The following EMCN variants were observed in gnomAD, a reference collection of about 807,000 sequenced individuals.
The protein encoded by EMCN is MUC-14.
A neutral mutation model predicts 38.4 loss-of-function variants in EMCN; 37 were observed. That is an observed-to-expected ratio of 0.96 (90% CI 0.74 to 1.27). EMCN has a LOEUF of 1.27. EMCN is among the 50% of genes most tolerant of loss of function. The pLI is 0.00. For synonymous variants in EMCN, 95 were observed against 100.8 expected (o/e 0.94, Z 0.35); for missense variants, 318 against 302.8 (o/e 1.05, Z -0.37).
intron 11 of EMCN, among the ~76,000 whole-genome samples, chr4:100,409,113 G>C (rs1258772399): frequency 6.6e-6 from 1 of 152,180 alleles, no homozygotes; most frequent in Non-Finnish European, 1.5e-5. Flanking sequence ...AACAGTGTTA[G>C]TTAATTAGGG....
intron 4 of EMCN, among the ~76,000 whole-genome samples, chr4:100,459,286 T>C (rs1728108953): frequency 1.1e-5 from 1 of 89,750 alleles, no homozygotes; most frequent in Non-Finnish European, 2.3e-5. Context: ...TATGACAATA[T>C]TTTGTGTGTG....
At chr4:100,437,090 T>A (rs910999956) in intron 5 of EMCN, among the ~76,000 whole-genome samples, 1 of 152,200 alleles carries the variant, frequency 6.6e-6, no homozygotes, top group Non-Finnish European at 1.5e-5. Flanking sequence ...CCAAAATGTG[T>A]TATCTTTTGA....
At chr4:100,417,436 A>G (rs1368035599) in intron 8 of EMCN, among the ~76,000 whole-genome samples, 1 of 152,146 alleles carries the variant, frequency 6.6e-6, no homozygotes, top group Non-Finnish European at 1.5e-5. Context: ...TCATTATTGC[A>G]TATCCCATGG....
intron 11 of EMCN, among the ~76,000 whole-genome samples, chr4:100,403,178 A>G (rs1052340970): frequency 2.0e-5 from 3 of 152,112 alleles, no homozygotes; most frequent in African/African-American, 7.2e-5. Context: ...TTTATCATCC[A>G]TGTAATTGGC....
rs566684482 is a variant in EMCN at position 100,487,619 on chromosome 4, T to G, written c.65-7580A>C. ...GAGATAGCTGAATCATGGGGACAGT[T>G]TTCCCCATGCTGTTTTCATGACAGT... On this transcript the variant is annotated intron_variant, in intron 1 of 11. Transcript: ENST00000296420. Among the ~76,000 whole-genome samples the G allele has an allele frequency of 1.3e-4, 20 of 152,324 alleles. No homozygotes were observed. In the South Asian group the frequency reaches 4.1e-3, roughly 32 times the overall value.
intron 1 of EMCN, among the ~76,000 whole-genome samples, chr4:100,490,798 C>G (rs930105493): frequency 6.6e-6 from 1 of 152,094 alleles, no homozygotes; most frequent in Non-Finnish European, 1.5e-5. Flanking sequence ...ACTAGGGTTC[C>G]GTTTTCTCTA....
chr4:100,461,614 C>T (rs1049043138), intron 4 of EMCN, among the ~76,000 whole-genome samples: 1 of 151,964 alleles, frequency 6.6e-6, no homozygotes, highest in Non-Finnish European at 1.5e-5. Flanking sequence ...AAATTGTTTC[C>T]TTTTAAATAG....
chr4:100,511,836 T>TA (rs3841994), intron 1 of EMCN, among the ~76,000 whole-genome samples: 62,853 of 146,852 alleles, frequency 0.43, 13,980 homozygotes, highest in East Asian at 0.71. Flanking sequence ...AGACAGTTTA[T>TA]AAAAAAAAAA....
In EMCN at chr4:100,475,034, T is replaced by C. The variant is rs1486198814; in HGVS notation, c.259+4A>G. 1 of 1,457,318 alleles carries C rather than the reference T, an allele frequency of 6.9e-7. No individual in the cohort carries two copies. Among genetic ancestry groups the C allele is most frequent in the South Asian group, 1.4e-5 (1 of 71,828 alleles). 90.3% of individuals were successfully genotyped at this position (1,457,318 alleles called of 1,614,324 possible). A position where few individuals can be genotyped will look rare whatever the true frequency, so the allele number is the denominator to read the frequency against. The stretch of plus-strand genomic sequence containing the variant: ...AAATTGTAGAAAAATGAATCATTAC[T>C]CACCTTCATCTTTACTTGTTAAAAA... On this transcript the variant is annotated splice_donor_region_variant and intron_variant, in intron 3 of 11. Transcript: ENST00000296420.
At chr4:100,470,971 TA>T (rs2110269889) in intron 3 of EMCN, among the ~76,000 whole-genome samples, 1 of 152,098 alleles carries the variant, frequency 6.6e-6, no homozygotes, top group South Asian at 2.1e-4. Flanking sequence ...GAAGGAAATT[TA>T]TAGGTGTTAA....
intron 4 of EMCN, among the ~76,000 whole-genome samples, chr4:100,460,040 C>T (rs1025376620): frequency 6.6e-6 from 1 of 152,158 alleles, no homozygotes; most frequent in African/African-American, 2.4e-5. Context: ...ATATTTCCAT[C>T]AACAGTATAC....
At chr4:100,422,985 T>G (rs1184501785) in intron 7 of EMCN, 36 bp downstream of exon 7, 17 of 1,598,892 alleles carry the variant, frequency 1.1e-5, no homozygotes, top group Non-Finnish European at 1.5e-5. Context: ...ATTCTGCATA[T>G]CTACTGCCAT....
chr4:100,475,131 A>G, intron 2 of EMCN, 22 bp from the exon 3 acceptor site: 1 of 1,209,876 alleles, frequency 8.3e-7, no homozygotes, highest in African/African-American at 1.5e-5. Context: ...AAATAGATTA[A>G]ATTATTATTA....
chr4:100,453,239 A>G (rs1727899658), intron 4 of EMCN, among the ~76,000 whole-genome samples: 1 of 152,114 alleles, frequency 6.6e-6, no homozygotes, highest in Non-Finnish European at 1.5e-5. Flanking sequence ...CAGGCAACCT[A>G]CAGAATGGGA....
Position 100,415,926 on chromosome 4 carries a change from A to G in EMCN, c.723T>C (p.Leu241=), listed in dbSNP as rs748889817. The G allele has an allele frequency of 1.3e-6, 2 of 1,591,872 alleles. No individual in the cohort carries two copies. Among genetic ancestry groups the G allele is most frequent in the South Asian group, 2.3e-5 (2 of 85,788 alleles). ...PQSDKESVKL[L]TVKTISHESG... ...ACTCATGAGAAATTGTCTTAACGGT[A>G]AGAAGCTTCACGCTCTCTTTATCAG... Residue 241 remains leucine (L), a synonymous_variant, in exon 10 of 12, where the codon CTT becomes CTC. Coordinates refer to ENST00000296420, the MANE Select transcript of EMCN (RefSeq NM_016242.4).
chr4:100,465,826 A>G (rs1728300248), intron 3 of EMCN, among the ~76,000 whole-genome samples: 1 of 152,178 alleles, frequency 6.6e-6, no homozygotes, highest in Non-Finnish European at 1.5e-5. Flanking sequence ...TTTATATATA[A>G]GACTCAGAGG....
At chr4:100,438,528 C>G (rs987614003) in intron 5 of EMCN, among the ~76,000 whole-genome samples, 1 of 151,910 alleles carries the variant, frequency 6.6e-6, no homozygotes, top group Non-Finnish European at 1.5e-5. Flanking sequence ...ATTATTTCAT[C>G]TGCAAGTGGA....
intron 5 of EMCN, among the ~76,000 whole-genome samples, chr4:100,425,064 G>A (rs1486384047): frequency 6.6e-6 from 1 of 151,644 alleles, no homozygotes. Context: ...GAAAGATTTG[G>A]TGGCTGCTTG....
At chr4:100,514,723 A>G (rs1729710351) in intron 1 of EMCN, among the ~76,000 whole-genome samples, 1 of 152,094 alleles carries the variant, frequency 6.6e-6, no homozygotes, top group African/African-American at 2.4e-5. Flanking sequence ...GTTTCAATGT[A>G]TCTACTCAAT....
Sources: gnomAD v4.1 joint callset for allele counts (sites outside exome capture counted in the v4.1 genomes callset) on GRCh38, gnomAD v4.1.1 for gene constraint, MANE v1.5 for transcripts, NCBI Gene and HGNC (gene_info 2026-07-23, HGNC 2026-07-21) for gene names.